The following RAPGEF4 variants were observed in gnomAD, a reference collection of about 807,000 sequenced individuals.
The protein encoded by RAPGEF4 is RAP guanine-nucleotide-exchange factor (GEF) 4.
Under a neutral mutation model 147.9 loss-of-function variants are expected in RAPGEF4, and 66 were observed. That is an observed-to-expected ratio of 0.45 (90% CI 0.37 to 0.55). RAPGEF4 has a LOEUF of 0.55. Among genes scored for constraint, RAPGEF4 ranks in the 20% least tolerant of loss-of-function variants. The pLI is 0.00. For missense variants in RAPGEF4, 1,071 were observed against 1,257.3 expected (o/e 0.85, Z 2.24); for synonymous variants, 419 against 442.7 (o/e 0.95, Z 0.67).
intron 1 of RAPGEF4, among the ~76,000 whole-genome samples, chr2:172,740,047 C>T (rs1327658230): frequency 1.3e-5 from 2 of 152,310 alleles, no homozygotes; most frequent in East Asian, 1.9e-4. Flanking sequence ...TAGCCATGCT[C>T]ATTTGGTTAC....
At chr2:172,826,993 A>G (rs892272099) in intron 4 of RAPGEF4, among the ~76,000 whole-genome samples, 1 of 152,034 alleles carries the variant, frequency 6.6e-6, no homozygotes, top group Admixed American at 6.6e-5. Context: ...ATGAAGTTTT[A>G]AAATAGTGTT....
chr2:172,931,018 A>G (rs1685864984), intron 6 of RAPGEF4, among the ~76,000 whole-genome samples: 1 of 152,118 alleles, frequency 6.6e-6, no homozygotes, highest in Admixed American at 6.5e-5. Flanking sequence ...CCATGTCCCT[A>G]GAAGCGCATG....
intron 6 of RAPGEF4, 71 bp from the exon 7 acceptor site, chr2:172,960,689 C>A: frequency 9.4e-7 from 1 of 1,064,352 alleles, no homozygotes; most frequent in Non-Finnish European, 1.4e-6. Flanking sequence ...TTCTTATTAT[C>A]CCCCAACCCA....
At chr2:172,941,893 A>G (rs1439300312) in intron 6 of RAPGEF4, among the ~76,000 whole-genome samples, 1 of 152,174 alleles carries the variant, frequency 6.6e-6, no homozygotes, top group South Asian at 2.1e-4. Context: ...TTCACACAGC[A>G]CAGTACCTGA....
chr2:172,895,340 A>G (rs1225977808), intron 4 of RAPGEF4, among the ~76,000 whole-genome samples: 1 of 152,190 alleles, frequency 6.6e-6, no homozygotes, highest in African/African-American at 2.4e-5. Flanking sequence ...CTGCTGGAAA[A>G]TAGAGCCAGT....
intron 6 of RAPGEF4, among the ~76,000 whole-genome samples, chr2:172,934,903 G>T (rs907040200): frequency 2.6e-5 from 4 of 152,204 alleles, no homozygotes; most frequent in Non-Finnish European, 5.9e-5. Flanking sequence ...GAGGCCGGGG[G>T]TGGTAGCTCT....
intron 3 of RAPGEF4, among the ~76,000 whole-genome samples, chr2:172,812,342 C>T (rs1237275877): frequency 1.3e-5 from 2 of 152,134 alleles, no homozygotes; most frequent in Admixed American, 1.3e-4. Flanking sequence ...GGTCCTGACA[C>T]AGAAATACAC....
chr2:172,933,505 G>A (rs570147916), intron 6 of RAPGEF4, among the ~76,000 whole-genome samples: 6 of 152,256 alleles, frequency 3.9e-5, no homozygotes, highest in Non-Finnish European at 5.9e-5. Context: ...ATTTTGCACC[G>A]TACCTGGGTG....
rs778851971 is a variant in RAPGEF4, at chr2:172,917,780, A to G, written c.445-22A>G. On this transcript the variant is annotated intron_variant, in intron 4 of 30. Coordinates refer to ENST00000397081, the MANE Select transcript of RAPGEF4 (RefSeq NM_007023.4). ...AAAGCAAGTAAATATCTGTGTGTTG[A>G]GTTTACAATCTTGTCTTTCAGAAAT... is the stretch of plus-strand genomic sequence containing the variant. 3.1e-6 allele frequency: 5 copies of G among 1,587,978 alleles called. 1 individual carries two copies. Among genetic ancestry groups the G allele is most frequent in the Non-Finnish European group, 1.7e-6 (2 of 1,156,778 alleles).
chr2:172,949,431 C>T lies in RAPGEF4; in HGVS notation c.538-11329C>T, dbSNP rs567697280. Among the ~76,000 whole-genome samples the T allele has an allele frequency of 1.2e-4, 19 of 152,184 alleles. No individual in the cohort carries two copies. In the South Asian group the frequency reaches 1.5e-3, roughly 12 times the overall value. On this transcript the variant is annotated intron_variant, in intron 6 of 30. Transcript: ENST00000397081. The stretch of plus-strand genomic sequence containing the variant: ...CACTCAGGATATGACTGGTGTCTGG[C>T]GGAAATATATCCCATAGATCCCTCA...
intron 3 of RAPGEF4, among the ~76,000 whole-genome samples, chr2:172,806,561 A>C (rs924214216): frequency 3.9e-5 from 6 of 152,236 alleles, no homozygotes; most frequent in African/African-American, 1.4e-4. Flanking sequence ...ATTTCAAGAA[A>C]AGTTGGTTGC....
At chr2:173,008,289 GC>G (rs1694690336) in intron 17 of RAPGEF4, among the ~76,000 whole-genome samples, 1 of 152,150 alleles carries the variant, frequency 6.6e-6, no homozygotes, top group Non-Finnish European at 1.5e-5. Flanking sequence ...GTTCTTTACA[GC>G]AGTGTGAGAA....
intron 4 of RAPGEF4, among the ~76,000 whole-genome samples, chr2:172,823,415 C>T (rs566709548): frequency 6.6e-6 from 1 of 152,298 alleles, no homozygotes; most frequent in East Asian, 1.9e-4. Flanking sequence ...TGTTGTTCAG[C>T]CATCATCTGG....
chr2:172,814,347 C>G lies in RAPGEF4; in HGVS notation c.366C>G (p.Pro122=). 6.2e-7 allele frequency: 1 copy of G among 1,614,136 alleles called. No individual in the cohort carries two copies. The highest frequency in any genetic ancestry group is 1.1e-5 in the South Asian group (1 of 91,086). The change falls in exon 4 of 31, where the codon CCC becomes CCG. Residue 122 remains proline, a synonymous_variant. Coordinates refer to ENST00000397081, the MANE Select transcript of RAPGEF4 (RefSeq NM_007023.4). ...GAGAGTCCATTCTGGACAACACACC[C>G]CGCCATGCAACCATCGTTACCAGGG... ...AFGESILDNT[P]RHATIVTRES...
At chr2:172,749,975 T>C (rs1695122343) in intron 1 of RAPGEF4, among the ~76,000 whole-genome samples, 4 of 152,186 alleles carry the variant, frequency 2.6e-5, no homozygotes. Flanking sequence ...TTTTCTCCAG[T>C]TCCCAAAAAG....
At chr2:172,893,171 A>C (rs185926850) in intron 4 of RAPGEF4, among the ~76,000 whole-genome samples, 4 of 152,332 alleles carry the variant, frequency 2.6e-5, no homozygotes, top group Admixed American at 2.6e-4. Flanking sequence ...ATCCCGTGGA[A>C]ATGGTCAGCT....
At chr2:172,989,308 T>G (rs909068278) in intron 14 of RAPGEF4, among the ~76,000 whole-genome samples, 3 of 150,998 alleles carry the variant, frequency 2.0e-5, no homozygotes, top group African/African-American at 7.2e-5. Flanking sequence ...TCATCATACA[T>G]TCCCTTGATT....
At chr2:172,930,175 C>A (rs1685768888) in intron 6 of RAPGEF4, among the ~76,000 whole-genome samples, 1 of 152,140 alleles carries the variant, frequency 6.6e-6, no homozygotes, top group Non-Finnish European at 1.5e-5. Flanking sequence ...GATAGCATTG[C>A]ATGAACACAG....
intron 17 of RAPGEF4, among the ~76,000 whole-genome samples, chr2:173,014,083 A>G (rs1428660367): frequency 6.6e-6 from 1 of 152,222 alleles, no homozygotes; most frequent in Non-Finnish European, 1.5e-5. Flanking sequence ...TTGGAAACCA[A>G]CAACGGGTGG....
Sources: gnomAD v4.1 joint callset for allele counts (sites outside exome capture counted in the v4.1 genomes callset) on GRCh38, gnomAD v4.1.1 for gene constraint, MANE v1.5 for transcripts, NCBI Gene and HGNC (gene_info 2026-07-23, HGNC 2026-07-21) for gene names.